Variants in FOCAD observed in about 807,000 individuals in gnomAD.
The protein encoded by FOCAD is focadhesin.
FOCAD carries 198 observed loss-of-function variants against 225.6 expected under a neutral mutation model. That is an observed-to-expected ratio of 0.88 (90% CI 0.78 to 0.99). FOCAD has a LOEUF of 0.99. Among genes scored for constraint, FOCAD ranks in the 50% least tolerant of loss-of-function variants. FOCAD has a pLI of 0.00. For synonymous variants in FOCAD, 897 were observed against 755.0 expected, an observed-to-expected ratio of 1.19 and a Z score of -3.08; for missense variants, 2,713 against 2,123.6, an observed-to-expected ratio of 1.28 and a Z score of -5.46.
chr9:20,665,147 C>G (rs150531801), intron 2 of FOCAD, among the ~76,000 whole-genome samples: 4 of 152,160 alleles, frequency 2.6e-5, no homozygotes, highest in East Asian at 3.9e-4. Context: ...GAGTTACTGG[C>G]TTAGAGACTG....
rs148881984 is a variant in FOCAD, at chr9:20,966,816, A to G, written c.4133-9604A>G. On this transcript the variant is annotated intron_variant, in intron 35 of 43. Transcript: ENST00000338382. ...ATCTTGGCACCCTTGTCAAAAATCA[A>G]TTGGGTATAAATATATACGTAATTT... Among the ~76,000 whole-genome samples, 178 of 152,196 alleles carry G rather than the reference A, an allele frequency of 1.2e-3. 2 individuals carry two copies. In the East Asian group the frequency reaches 0.03, roughly 26 times the overall value.
intron 2 of FOCAD, among the ~76,000 whole-genome samples, chr9:20,677,147 G>T (rs1473986502): frequency 6.6e-6 from 1 of 152,186 alleles, no homozygotes; most frequent in African/African-American, 2.4e-5. Context: ...ATTAGATGGT[G>T]TTGGGAAAAC....
intron 35 of FOCAD, chr9:20,976,194 A>G (rs929701916): frequency 8.2e-6 from 2 of 243,700 alleles, no homozygotes; most frequent in African/African-American, 2.2e-5. Context: ...GTTATTATAT[A>G]TTATTGAAAA....
At chr9:20,726,420 C>CTT (rs1826201922) in intron 4 of FOCAD, 1 of 152,182 alleles carries the variant, frequency 6.6e-6, no homozygotes, top group African/African-American at 2.4e-5. Flanking sequence ...CATTTCTTGT[C>CTT]TTAATGTGCT....
At chr9:20,786,882 CT>C in intron 10 of FOCAD, 1 of 261,984 alleles carries the variant, frequency 3.8e-6, no homozygotes, top group South Asian at 4.0e-5. Context: ...TAACATAAAC[CT>C]TTTATTTTTA....
chr9:20,811,193 A>T (rs570827531), intron 11 of FOCAD, among the ~76,000 whole-genome samples: 1 of 152,218 alleles, frequency 6.6e-6, no homozygotes, highest in South Asian at 2.1e-4. Flanking sequence ...GCTGGGAACG[A>T]GGGACACAAA....
chr9:20,965,128 G>A (rs540271687), intron 35 of FOCAD, among the ~76,000 whole-genome samples: 2 of 152,148 alleles, frequency 1.3e-5, no homozygotes, highest in Non-Finnish European at 2.9e-5. Flanking sequence ...AGGAATGAGG[G>A]CATGGTACTC....
chr9:20,661,282 G>C (rs1196044688), intron 2 of FOCAD, among the ~76,000 whole-genome samples: 1 of 152,212 alleles, frequency 6.6e-6, no homozygotes, highest in African/African-American at 2.4e-5. Context: ...ATAGACAGGA[G>C]AAACATTGAA....
intron 11 of FOCAD, among the ~76,000 whole-genome samples, chr9:20,812,001 A>G (rs533019896): frequency 3.3e-5 from 5 of 152,214 alleles, no homozygotes; most frequent in African/African-American, 1.2e-4. Flanking sequence ...TGGCAAACAC[A>G]CTTGTATATA....
intron 15 of FOCAD, among the ~76,000 whole-genome samples, chr9:20,828,049 G>A (rs1209771065): frequency 6.6e-6 from 1 of 151,558 alleles, no homozygotes; most frequent in Non-Finnish European, 1.5e-5. Context: ...GCACACACCT[G>A]TTGTCCCAGC....
Position 20,942,046 on chromosome 9 carries a change from C to T in FOCAD, c.3408-2581C>T, listed in dbSNP as rs564529960. ...TTTAGGACTACATTATTGGTGCATA[C>T]TGGAAAATTGAGATGAATGAGAGGG... On this transcript the variant is annotated intron_variant, in intron 28 of 43. Transcript: ENST00000338382. Among the ~76,000 whole-genome samples the T allele has an allele frequency of 3.9e-4, 59 of 152,204 alleles. 2 individuals carry two copies. In the South Asian group the frequency reaches 0.012, roughly 30 times the overall value.
intron 29 of FOCAD, among the ~76,000 whole-genome samples, chr9:20,945,208 G>C (rs6475490): frequency 0.64 from 96,874 of 152,092 alleles, 31,260 homozygotes; most frequent in South Asian, 0.7. Flanking sequence ...GAGAAAATTC[G>C]CTTTACCACA....
At chr9:20,756,991 A>G (rs1240735331) in intron 5 of FOCAD, among the ~76,000 whole-genome samples, 2 of 152,108 alleles carry the variant, frequency 1.3e-5, no homozygotes, top group Non-Finnish European at 2.9e-5. Context: ...GTGCAATAGC[A>G]TAATATCAGT....
At chr9:20,672,379 A>G (rs748319013) in intron 2 of FOCAD, among the ~76,000 whole-genome samples, 2 of 152,366 alleles carry the variant, frequency 1.3e-5, no homozygotes, top group South Asian at 2.1e-4. Flanking sequence ...ATCAAGCCCT[A>G]TGGCCTTTCT....
Position 20,946,574 on chromosome 9 carries a change from C to T in FOCAD, c.3556-127C>T, listed in dbSNP as rs574833590. 5.3e-5 allele frequency: 52 copies of T among 979,868 alleles called. No homozygotes were observed. The African/African-American group carries it at 6.9e-4, about 13-fold the overall frequency. The allele number at this position is 979,868 out of a possible 1,614,324, so 60.7% of individuals were successfully genotyped here. ...TTAGGCAGAAAAACAGTGCCCAATC[C>T]ATGGTAAATGTATGTGAATCCAATT... is the stretch of plus-strand genomic sequence containing the variant. On this transcript the variant is annotated intron_variant, in intron 29 of 43. Coordinates refer to ENST00000338382, the MANE Select transcript of FOCAD (RefSeq NM_001375567.1).
intron 11 of FOCAD, among the ~76,000 whole-genome samples, chr9:20,807,057 C>G (rs1213951864): frequency 6.6e-6 from 1 of 152,082 alleles, no homozygotes; most frequent in Non-Finnish European, 1.5e-5. Flanking sequence ...CAAAACAACC[C>G]ACCTCATTAA....
At chr9:20,940,612 A>G (rs1278463734) in intron 28 of FOCAD, among the ~76,000 whole-genome samples, 2 of 152,088 alleles carry the variant, frequency 1.3e-5, no homozygotes, top group African/African-American at 4.8e-5. Flanking sequence ...TTCAGGTTCA[A>G]CTGATACTTA....
intron 11 of FOCAD, among the ~76,000 whole-genome samples, chr9:20,816,328 C>T (rs543180265): frequency 2.0e-5 from 3 of 152,180 alleles, no homozygotes; most frequent in South Asian, 2.1e-4. Flanking sequence ...GGGGATAATG[C>T]GTTGAGATCA....
At chr9:20,985,343 C>T (rs944358152) in intron 39 of FOCAD, among the ~76,000 whole-genome samples, 1 of 152,170 alleles carries the variant, frequency 6.6e-6, no homozygotes, top group East Asian at 1.9e-4. Context: ...CTACCAATCT[C>T]ATCAGAAAAG....
Sources: gnomAD v4.1 joint callset for allele counts (sites outside exome capture counted in the v4.1 genomes callset) on GRCh38, gnomAD v4.1.1 for gene constraint, MANE v1.5 for transcripts, NCBI Gene and HGNC (gene_info 2026-07-23, HGNC 2026-07-21) for gene names.